CDH23: variants seen among roughly 807,000 people sequenced by gnomAD.
CDH23 encodes cadherin related 23, also known as cadherin-23.
Under a neutral mutation model 317.1 loss-of-function variants are expected in CDH23, and 189 were observed. The ratio of observed to expected loss-of-function variants is 0.60; its 90% CI spans 0.53 to 0.67. CDH23 has a LOEUF of 0.67. Among genes scored for constraint, CDH23 ranks in the 30% least tolerant of loss-of-function variants. The pLI, the probability that CDH23 is intolerant of heterozygous loss-of-function variation, is 0.00. For synonymous variants in CDH23, 1,839 were observed against 1,876.8 expected (o/e 0.98, Z 0.52); for missense variants, 4,401 against 4,592.4 (o/e 0.96, Z 1.20).
intron 9 of CDH23, among the ~76,000 whole-genome samples, chr10:71,597,075 T>C (rs1395308133): frequency 6.6e-6 from 1 of 152,146 alleles, no homozygotes; most frequent in Non-Finnish European, 1.5e-5. Flanking sequence ...ATCTTTCATT[T>C]CCCAGGCAAA....
Position 71,791,039 on chromosome 10 carries a change from T to C in CDH23, c.6050-93T>C. On this transcript the variant is annotated intron_variant, in intron 46 of 69. Coordinates refer to ENST00000224721, the MANE Select transcript of CDH23 (RefSeq NM_022124.6). Reference sequence around the variant, plus strand: ...TCATCTCTGTCCCATGGTGCCCCTGTCTTTCTCTGCTCTCTCCCTGTTGGT... The same window carrying C: ...TCATCTCTGTCCCATGGTGCCCCTGCCTTTCTCTGCTCTCTCCCTGTTGGT... 14 of 980,606 alleles carry C rather than the reference T, an allele frequency of 1.4e-5. No individual in the cohort carries two copies. The South Asian group carries it at 1.9e-4, about 14-fold the overall frequency. The allele number at this position is 980,606 out of a possible 1,614,324, so 60.7% of individuals were successfully genotyped here.
chr10:71,398,375 G>A lies in CDH23; in HGVS notation c.-6+1057G>A, dbSNP rs77723748. On this transcript the variant is annotated intron_variant, in intron 1 of 69. Coordinates refer to ENST00000224721, the MANE Select transcript of CDH23 (RefSeq NM_022124.6). ...CATTGACCTCGCCTTCCAGCCCCTT[G>A]GGAAGTGCCCCAACCCTAATTTGGA... is the stretch of plus-strand genomic sequence containing the variant. Among the ~76,000 whole-genome samples the A allele has an allele frequency of 2.2e-4, 33 of 151,994 alleles. 1 individual carries two copies. The East Asian group carries it at 6.4e-3, about 29-fold the overall frequency.
intron 9 of CDH23, among the ~76,000 whole-genome samples, chr10:71,582,618 C>A (rs1161623150): frequency 1.3e-5 from 2 of 152,144 alleles, no homozygotes; most frequent in Non-Finnish European, 2.9e-5. Context: ...GTTTTCCAAT[C>A]TGTAAAATGG....
At chr10:71,527,333 G>T (rs1855099160) in intron 6 of CDH23, among the ~76,000 whole-genome samples, 2 of 152,338 alleles carry the variant, frequency 1.3e-5, no homozygotes, top group South Asian at 4.1e-4. Context: ...GAGCAAATCA[G>T]CCACAGCCAG....
intron 34 of CDH23, chr10:71,737,815 G>C (rs926405882): frequency 4.7e-5 from 22 of 467,278 alleles, no homozygotes; most frequent in Non-Finnish European, 7.5e-5. Flanking sequence ...CTCTCCACAA[G>C]AAGCCCGAGC....
intron 8 of CDH23, among the ~76,000 whole-genome samples, chr10:71,571,699 G>T (rs1307226873): frequency 1.3e-5 from 2 of 152,180 alleles, no homozygotes; most frequent in South Asian, 4.1e-4. Flanking sequence ...AGAAAAATGC[G>T]CCTCCCCTAG....
chr10:71,430,048 G>T (rs1849296672), intron 1 of CDH23, among the ~76,000 whole-genome samples: 1 of 152,230 alleles, frequency 6.6e-6, no homozygotes, highest in Admixed American at 6.5e-5. Flanking sequence ...GATGCTCCAG[G>T]TGGAGGGAGC....
intron 38 of CDH23, among the ~76,000 whole-genome samples, chr10:71,771,943 G>A (rs1168193111): frequency 6.6e-6 from 1 of 152,246 alleles, no homozygotes; most frequent in Non-Finnish European, 1.5e-5. Context: ...GGGTCTCACA[G>A]GGCCACCAGG....
intron 11 of CDH23, among the ~76,000 whole-genome samples, chr10:71,629,011 G>A (rs1457521513): frequency 1.3e-5 from 2 of 152,234 alleles, no homozygotes; most frequent in Non-Finnish European, 2.9e-5. Flanking sequence ...GGCTAGCGAA[G>A]CACACAGGTA....
chr10:71,716,253 G>C (rs1327617939), intron 28 of CDH23: 1 of 1,548,532 alleles, frequency 6.5e-7, no homozygotes, highest in African/African-American at 1.4e-5. Context: ...GCCTCTGCAA[G>C]GGTCCCGGGA....
chr10:71,700,402 C>A lies in CDH23; in HGVS notation c.2398-1620C>A, dbSNP rs77823815. 9.8e-3 allele frequency among the ~76,000 whole-genome samples: 1,486 copies of A among 152,310 alleles called. 25 individuals carry two copies. The highest frequency in any genetic ancestry group is 0.034 in the African/African-American group (1,404 of 41,566). The stretch of plus-strand genomic sequence containing the variant: ...ACTTCGTCTCAAAGAAAAAAAAATT[C>A]TCCCTTTTCAAACTGTTGAGAGAAG... On this transcript the variant is annotated intron_variant, in intron 22 of 69. Coordinates refer to ENST00000224721, the MANE Select transcript of CDH23 (RefSeq NM_022124.6).
intron 38 of CDH23, among the ~76,000 whole-genome samples, chr10:71,773,159 G>A (rs985011607): frequency 6.6e-6 from 1 of 152,320 alleles, no homozygotes; most frequent in African/African-American, 2.4e-5. Context: ...AGATGTGCCC[G>A]ATGCCTAGCT....
rs1475289706 is a variant in CDH23 at position 71,623,444 on chromosome 10, C to T, written c.1134+6051C>T. ...AGGTGTCAGGAGGCCAGGCTGCAGC[C>T]TCATCGGGGGCAGGCAGGGCTTTGT... On this transcript the variant is annotated intron_variant, in intron 11 of 69. Coordinates refer to ENST00000224721, the MANE Select transcript of CDH23 (RefSeq NM_022124.6). Among the ~76,000 whole-genome samples the T allele has an allele frequency of 2.0e-5, 3 of 152,212 alleles. No homozygotes were observed. The East Asian group carries it at 5.8e-4, about 29-fold the overall frequency.
chr10:71,526,951 G>C (rs949925794), intron 6 of CDH23, among the ~76,000 whole-genome samples: 1 of 152,142 alleles, frequency 6.6e-6, no homozygotes, highest in African/African-American at 2.4e-5. Context: ...TTTATGTCTC[G>C]AGTGTCGGGC....
At chr10:71,679,334 T>C (rs1432416298) in intron 16 of CDH23, 53 bp from the exon 17 acceptor site, 4 of 1,042,876 alleles carry the variant, frequency 3.8e-6, no homozygotes, top group East Asian at 2.6e-5. Flanking sequence ...CACCCTCTTC[T>C]GGCCCCCAGT....
intron 1 of CDH23, among the ~76,000 whole-genome samples, chr10:71,412,484 T>C (rs1848380980): frequency 1.3e-5 from 2 of 152,234 alleles, no homozygotes; most frequent in South Asian, 4.1e-4. Flanking sequence ...TTTTATTTTA[T>C]TTTTCAGAGA....
intron 2 of CDH23, among the ~76,000 whole-genome samples, chr10:71,442,752 TG>T (rs1349620798): frequency 1.3e-5 from 2 of 152,198 alleles, no homozygotes; most frequent in Middle Eastern, 3.2e-3. Context: ...CCCCAGTTGC[TG>T]GGTGGGAGAG....
intron 9 of CDH23, among the ~76,000 whole-genome samples, chr10:71,608,036 G>C (rs983195462): frequency 6.6e-6 from 1 of 152,254 alleles, no homozygotes; most frequent in Non-Finnish European, 1.5e-5. Context: ...ACACAGCCTG[G>C]TGAGGTAGGA....
chr10:71,724,026 G>A lies in CDH23; in HGVS notation c.3370-19G>A, dbSNP rs376955090. The A allele has an allele frequency of 2.7e-5, 42 of 1,554,254 alleles. No homozygotes were observed. The highest frequency in any genetic ancestry group is 3.6e-5 in the Non-Finnish European group (41 of 1,148,382). The stretch of plus-strand genomic sequence containing the variant: ...CTGGGTGGCATTCAAGAAGTAACTC[G>A]TGTCTCATTCTTCCTCAGCTGAAAG... On this transcript the variant is annotated intron_variant, in intron 28 of 69. Coordinates refer to ENST00000224721, the MANE Select transcript of CDH23 (RefSeq NM_022124.6).
Sources: allele counts gnomAD v4.1 joint callset (sites outside exome capture counted in the v4.1 genomes callset), GRCh38; gene constraint gnomAD v4.1.1; transcripts MANE v1.5; gene names NCBI Gene and HGNC (gene_info 2026-07-23, HGNC 2026-07-21).